NAPA: variants seen among roughly 807,000 people sequenced by gnomAD.
The protein encoded by NAPA is alpha-soluble NSF attachment protein.
Under a neutral mutation model 48.0 loss-of-function variants are expected in NAPA, and 18 were observed. The observed-to-expected ratio is 0.38, with a 90% CI of 0.26 to 0.56. The LOEUF (loss-of-function observed/expected upper bound fraction) is 0.56, where lower values mean the gene tolerates loss of function less well. NAPA is among the 20% of genes least tolerant of loss of function. The pLI is 0.77. For synonymous variants in NAPA, 152 were observed against 149.9 expected, an observed-to-expected ratio of 1.01 and a Z score of -0.10; for missense variants, 315 against 385.0, an observed-to-expected ratio of 0.82 and a Z score of 1.52.
chr19:47,496,939 C>A, intron 3 of NAPA: 1 of 431,432 alleles, frequency 2.3e-6, no homozygotes, highest in Admixed American at 2.5e-5. Context: ...AGCACTCAGT[C>A]CAGGTTCTAG....
At chr19:47,503,339 G>A (rs1044046924) in intron 2 of NAPA, 84 bp downstream of exon 2, 20 of 1,313,202 alleles carry the variant, frequency 1.5e-5, no homozygotes, top group Middle Eastern at 1.9e-4. Flanking sequence ...GGCCCTCAAG[G>A]CCAACCTCTC....
At chr19:47,491,710 A>T (rs931386976) in intron 8 of NAPA, among the ~76,000 whole-genome samples, 88 of 152,358 alleles carry the variant, frequency 5.8e-4, no homozygotes, top group Non-Finnish European at 1.2e-4. Context: ...ATCTTCACCC[A>T]TAAGACGCGG....
chr19:47,496,448 G>A (rs1252520714), intron 3 of NAPA: 1 of 152,760 alleles, frequency 6.5e-6, no homozygotes, highest in East Asian at 1.9e-4. Flanking sequence ...CTAGCAGACA[G>A]AAATGAGCTC....
chr19:47,497,475 C>T, intron 3 of NAPA: 1 of 152,680 alleles, frequency 6.5e-6, no homozygotes, highest in Non-Finnish European at 1.5e-5. Context: ...ACACCTGGGA[C>T]AGCTGGCTCC....
intron 10 of NAPA, 49 bp downstream of exon 10, chr19:47,489,662 G>A (rs1182361510): frequency 6.2e-7 from 1 of 1,605,258 alleles, no homozygotes. Context: ...AGCTTTCCTA[G>A]GAGACCCATC....
At position 47,494,695 on chromosome 19, in the gene NAPA, G is replaced by A. The variant is rs538509271; in HGVS notation, c.342+855C>T. On this transcript the variant is annotated intron_variant, in intron 4 of 10. Transcript: ENST00000263354. Reference sequence around the variant, plus strand: ...AGAGGTTGCAGTGAGTGGAGATCACGCCACTGAACTCCAGCCTAGATGAGA... The same window carrying A: ...AGAGGTTGCAGTGAGTGGAGATCACACCACTGAACTCCAGCCTAGATGAGA... 2.7e-4 allele frequency among the ~76,000 whole-genome samples: 35 copies of A among 130,114 alleles called. 1 individual carries two copies. The South Asian group carries it at 8.7e-3, about 32-fold the overall frequency. The allele number at this position is 130,114 out of a possible 152,430, so 85.4% of individuals were successfully genotyped here.
At chr19:47,499,669 T>C (rs1403393985) in intron 3 of NAPA, among the ~76,000 whole-genome samples, 3 of 152,168 alleles carry the variant, frequency 2.0e-5, no homozygotes, top group Admixed American at 6.5e-5. Flanking sequence ...GAGCTACTGG[T>C]CAACACAAAT....
intron 1 of NAPA, among the ~76,000 whole-genome samples, chr19:47,514,506 G>A (rs1435073997): frequency 6.6e-6 from 1 of 152,082 alleles, no homozygotes; most frequent in Non-Finnish European, 1.5e-5. Context: ...AAGGCTTCAG[G>A]ACGTACTCCC....
At chr19:47,500,090 G>A (rs1210492693) in intron 3 of NAPA, among the ~76,000 whole-genome samples, 1 of 152,176 alleles carries the variant, frequency 6.6e-6, no homozygotes, top group Non-Finnish European at 1.5e-5. Context: ...CCCAAACTGG[G>A]TTTCTGTCCC....
intron 4 of NAPA, among the ~76,000 whole-genome samples, chr19:47,494,664 G>GGAGGCAGAGGTTGCAGTGA (rs1968368738): frequency 6.6e-6 from 1 of 150,972 alleles, no homozygotes; most frequent in East Asian, 1.9e-4. Flanking sequence ...CTTGAACCTG[G>GGAGGCAGAGGTTGCAGTGA]GAGGCAGAGG....
chr19:47,486,773 G>A (rs1968088783), downstream of NAPA, among the ~76,000 whole-genome samples: 1 of 152,186 alleles, frequency 6.6e-6, no homozygotes, highest in East Asian at 1.9e-4. Flanking sequence ...CATTATCAGT[G>A]GACTGGAGCT....
intron 3 of NAPA, among the ~76,000 whole-genome samples, chr19:47,498,121 C>T (rs1003542557): frequency 6.6e-6 from 1 of 152,250 alleles, no homozygotes; most frequent in Non-Finnish European, 1.5e-5. Context: ...GCCTCAGGCA[C>T]ACTCCAGCTG....
At chr19:47,508,378 T>C (rs1007565774) in intron 1 of NAPA, among the ~76,000 whole-genome samples, 2 of 152,214 alleles carry the variant, frequency 1.3e-5, no homozygotes, top group Non-Finnish European at 2.9e-5. Flanking sequence ...CTCCCGCCAC[T>C]CTGCAGTGGG....
intron 1 of NAPA, among the ~76,000 whole-genome samples, chr19:47,510,397 T>C (rs1968783279): frequency 6.6e-6 from 1 of 152,220 alleles, no homozygotes; most frequent in Non-Finnish European, 1.5e-5. Flanking sequence ...CTCCAGCACT[T>C]CTAGCTCAAC....
At chr19:47,505,928 C>CT (rs879313333) in intron 1 of NAPA, among the ~76,000 whole-genome samples, 3 of 151,934 alleles carry the variant, frequency 2.0e-5, no homozygotes, top group Non-Finnish European at 2.9e-5. Flanking sequence ...CTGCTGCACT[C>CT]TGTCTTCCCT....
At chr19:47,485,575 T>G (rs1320352672), downstream of NAPA, among the ~76,000 whole-genome samples, 1 of 152,226 alleles carries the variant, frequency 6.6e-6, no homozygotes, top group African/African-American at 2.4e-5. Context: ...CTGATCTCCC[T>G]TGATCACGGC....
At chr19:47,503,336 A>G (rs914358261) in intron 2 of NAPA, 87 bp downstream of exon 2, 19 of 1,279,364 alleles carry the variant, frequency 1.5e-5, no homozygotes, top group Non-Finnish European at 2.1e-5. Flanking sequence ...AAGGGCCCTC[A>G]AGGCCAACCT....
chr19:47,490,743 C>G (rs1389621186), intron 9 of NAPA, 45 bp downstream of exon 9: 1 of 1,578,352 alleles, frequency 6.3e-7, no homozygotes, highest in Non-Finnish European at 8.7e-7. Flanking sequence ...CAGCCACCCC[C>G]GTCTGAGGTT....
At position 47,493,488 on chromosome 19, in the gene NAPA, T is replaced by C. The variant is rs1337798706; in HGVS notation, c.348A>G (p.Arg116=). Residue 116 remains arginine (R), a synonymous_variant, in exon 5 of 11, where the codon CGA becomes CGG. Coordinates refer to ENST00000263354, the MANE Select transcript of NAPA (RefSeq NM_003827.4). This position sits in a 1 kb window ranked among gnomAD's most constrained non-coding sequence, Gnocchi z 6.4. ...TGTGGTGCTTGGCCGCAATCGTGAA[T>C]CGGCCCTGGAGGGGACACAGGAAGG... ...RAIEIYTDMG[R]FTIAAKHHIS... The C allele has an allele frequency of 6.2e-7, 1 of 1,613,836 alleles. No homozygotes were observed. Among genetic ancestry groups the C allele is most frequent in the Non-Finnish European group, 8.5e-7 (1 of 1,179,926 alleles).
Sources: gnomAD v4.1 joint callset for allele counts (sites outside exome capture counted in the v4.1 genomes callset) on GRCh38, gnomAD v4.1.1 for gene constraint, Gnocchi (gnomAD v3.1) non-coding constraint, MANE v1.5 for transcripts, NCBI Gene and HGNC (gene_info 2026-07-23, HGNC 2026-07-21) for gene names.